Variants in CDC73 observed in about 807,000 individuals in gnomAD.
CDC73 encodes the protein cell division cycle 73.
Under a neutral mutation model 83.7 loss-of-function variants are expected in CDC73, and 21 were observed. The ratio of observed to expected loss-of-function variants is 0.25; its 90% CI spans 0.18 to 0.36. The LOEUF (loss-of-function observed/expected upper bound fraction) is 0.36, where lower values mean the gene tolerates loss of function less well. CDC73 is among the 10% of genes least tolerant of loss of function. The pLI is 1.00. For synonymous variants in CDC73, 224 were observed against 212.9 expected (o/e 1.05, Z -0.45); for missense variants, 342 against 653.3 (o/e 0.52, Z 5.19).
intron 11 of CDC73, among the ~76,000 whole-genome samples, chr1:193,208,072 A>G (rs191463858): frequency 2.0e-5 from 3 of 152,290 alleles, no homozygotes; most frequent in Admixed American, 6.5e-5. Flanking sequence ...CTCTTACTCT[A>G]TAGTCTTCTG....
At chr1:193,182,599 T>G (rs1204844048) in intron 10 of CDC73, among the ~76,000 whole-genome samples, 3 of 152,172 alleles carry the variant, frequency 2.0e-5, no homozygotes, top group Non-Finnish European at 4.4e-5. Context: ...TTGTTAAACT[T>G]TTAGAACTTG....
At chr1:193,244,449 G>A (rs549595914) in intron 15 of CDC73, among the ~76,000 whole-genome samples, 1 of 152,294 alleles carries the variant, frequency 6.6e-6, no homozygotes, top group South Asian at 2.1e-4. Flanking sequence ...GGTTGTGGTG[G>A]TATGTGCCTG....
intron 15 of CDC73, among the ~76,000 whole-genome samples, chr1:193,244,322 T>G (rs1425845881): frequency 1.3e-5 from 2 of 152,244 alleles, no homozygotes; most frequent in African/African-American, 4.8e-5. Context: ...TTTCACCTTC[T>G]TCTTGTAAAC....
At chr1:193,182,265 T>A (rs1047099169) in intron 10 of CDC73, among the ~76,000 whole-genome samples, 2 of 152,118 alleles carry the variant, frequency 1.3e-5, no homozygotes, top group Non-Finnish European at 2.9e-5. Flanking sequence ...TCAAAATTAA[T>A]TTTCAGGGTC....
intron 5 of CDC73, 148 bp from the exon 6 acceptor site, chr1:193,137,937 C>A: frequency 1.5e-6 from 1 of 674,322 alleles, no homozygotes; most frequent in Non-Finnish European, 2.7e-6. Flanking sequence ...CTTTACGTAG[C>A]CAAAAGTAGT....
intron 10 of CDC73, chr1:193,186,367 A>G (rs1676807038): frequency 6.6e-6 from 1 of 152,496 alleles, no homozygotes. Context: ...CTGGCTGGAC[A>G]ATGCAGTGCT....
At chr1:193,156,034 AT>A (rs1676201826) in intron 10 of CDC73, among the ~76,000 whole-genome samples, 1 of 152,174 alleles carries the variant, frequency 6.6e-6, no homozygotes, top group African/African-American at 2.4e-5. Context: ...ATAACAATAT[AT>A]TTTCATGGTT....
intron 6 of CDC73, among the ~76,000 whole-genome samples, chr1:193,139,064 G>A (rs764669725): frequency 2.6e-5 from 4 of 151,854 alleles, no homozygotes; most frequent in African/African-American, 7.3e-5. Flanking sequence ...GTGAGCCACC[G>A]CGCCTGGCTG....
chr1:193,235,539 ACTT>A (rs1441872029), intron 14 of CDC73, among the ~76,000 whole-genome samples: 3 of 152,170 alleles, frequency 2.0e-5, no homozygotes, highest in African/African-American at 4.8e-5. Context: ...TTATGGCAGT[ACTT>A]CTTATAATTT....
intron 1 of CDC73, among the ~76,000 whole-genome samples, chr1:193,122,903 G>A (rs747792758): frequency 5.9e-5 from 9 of 152,214 alleles, no homozygotes; most frequent in Admixed American, 2.6e-4. Context: ...CTGTGTTAGA[G>A]AGGTCTTCAG....
intron 13 of CDC73, among the ~76,000 whole-genome samples, chr1:193,214,782 T>A (rs1212682334): frequency 6.6e-6 from 1 of 152,208 alleles, no homozygotes; most frequent in Non-Finnish European, 1.5e-5. Context: ...GCAGTTGGGA[T>A]ACACTTGACA....
chr1:193,184,024 G>A (rs1388998967), intron 10 of CDC73, among the ~76,000 whole-genome samples: 1 of 151,742 alleles, frequency 6.6e-6, no homozygotes, highest in East Asian at 1.9e-4. Flanking sequence ...AAGTATTTTA[G>A]TATTACAGAA....
At chr1:193,183,897 CAAT>C (rs142866834) in intron 10 of CDC73, among the ~76,000 whole-genome samples, 2,127 of 151,520 alleles carry the variant, frequency 0.014, 47 homozygotes, top group African/African-American at 0.048. Flanking sequence ...AAGGAGTAAA[CAAT>C]AAGGTCAGAT....
chr1:193,203,360 C>T (rs1677124002), intron 10 of CDC73, among the ~76,000 whole-genome samples: 1 of 151,924 alleles, frequency 6.6e-6, no homozygotes, highest in Non-Finnish European at 1.5e-5. Context: ...TAAATACATT[C>T]CAATATAACA....
Position 193,251,839 on chromosome 1 carries a change from A to G in CDC73, c.*1127A>G, listed in dbSNP as rs1284543196. The G allele has an allele frequency of 4.4e-6, 1 of 229,206 alleles. No individual in the cohort carries two copies. 14.2% of individuals were successfully genotyped at this position (229,206 alleles called of 1,614,324 possible). ...ACCATTTGCCTTGAACCTTGATTTC[A>G]CTTTGTTTTTTTTTTTTCCTTAAAG... On this transcript the variant is annotated 3_prime_UTR_variant, in exon 17 of 17. Transcript: ENST00000367435.
chr1:193,245,084 G>C (rs962536602), intron 15 of CDC73, among the ~76,000 whole-genome samples: 1 of 152,146 alleles, frequency 6.6e-6, no homozygotes, highest in African/African-American at 2.4e-5. Context: ...ACAATGTATA[G>C]TTATCAGGTT....
At chr1:193,167,521 T>C (rs371468977) in intron 10 of CDC73, among the ~76,000 whole-genome samples, 66 of 152,290 alleles carry the variant, frequency 4.3e-4, no homozygotes, top group African/African-American at 1.5e-3. Context: ...AGGCTAATAG[T>C]CTAAAACAAA....
chr1:193,133,109 G>A (rs1675725396), intron 3 of CDC73, among the ~76,000 whole-genome samples: 1 of 151,706 alleles, frequency 6.6e-6, no homozygotes, highest in Non-Finnish European at 1.5e-5. Context: ...CACTGTGTTA[G>A]CCAGGATGGT....
At chr1:193,239,243 C>T (rs937894001) in intron 15 of CDC73, among the ~76,000 whole-genome samples, 10 of 152,112 alleles carry the variant, frequency 6.6e-5, no homozygotes, top group African/African-American at 2.4e-4. Flanking sequence ...TAGTCCTTTT[C>T]AGTAATTTGC....
Sources: gnomAD v4.1 joint callset for allele counts (sites outside exome capture counted in the v4.1 genomes callset) on GRCh38, gnomAD v4.1.1 for gene constraint, MANE v1.5 for transcripts, NCBI Gene and HGNC (gene_info 2026-07-23, HGNC 2026-07-21) for gene names.